Variants in BICD2 observed in about 807,000 individuals in gnomAD.
BICD2 encodes the protein BICD cargo adaptor 2, also known as protein bicaudal D homolog 2.
A neutral mutation model predicts 72.9 loss-of-function variants in BICD2; 25 were observed. The observed-to-expected ratio is 0.34, with a 90% CI of 0.25 to 0.48. BICD2 has a LOEUF of 0.48. BICD2 is among the 20% of genes least tolerant of loss of function. BICD2 has a pLI of 0.99. For synonymous variants in BICD2, 501 were observed against 516.1 expected (o/e 0.97, Z 0.40); for missense variants, 894 against 1,175.2 (o/e 0.76, Z 3.50).
At chr9:92,757,027 A>G (rs1020848178) in intron 1 of BICD2, among the ~76,000 whole-genome samples, 1 of 152,150 alleles carries the variant, frequency 6.6e-6, no homozygotes, top group African/African-American at 2.4e-5. Context: ...CAGGCCACAC[A>G]TGGCGCTGTC....
At position 92,718,435 on chromosome 9, in the gene BICD2, G is replaced by A. The variant is rs772863175; in HGVS notation, c.2106+104C>T. On this transcript the variant is annotated intron_variant, in intron 5 of 6. Transcript: ENST00000356884. ...GGGGCTGGCTCTGTCTGGTGGTGAC[G>A]CAGGCCTGGGGGGGCCCCGTGGCAG... is the stretch of plus-strand genomic sequence containing the variant. The A allele has an allele frequency of 1.6e-4, 214 of 1,364,954 alleles. 2 individuals are homozygous for A. The highest frequency in any genetic ancestry group is 7.2e-4 in the South Asian group (51 of 71,182). 84.6% of individuals were successfully genotyped at this position (1,364,954 alleles called of 1,614,324 possible). A position where few individuals can be genotyped will look rare whatever the true frequency, so the allele number is the denominator to read the frequency against.
rs184465241 is a variant in BICD2 at position 92,719,369 on chromosome 9, C to G, written c.1276G>C (p.Glu426Gln). Reference protein sequence around the residue: ...RDSHEDGDYYEVDINGPEILA... With the variant: ...RDSHEDGDYYQVDINGPEILA... ...ATCTCAGGCCCGTTGATGTCCACCT[C>G]GTAGTAGTCCCCATCCTCATGGCTG... The change falls in exon 5 of 7, where the codon GAG (glutamate) becomes CAG (glutamine). Residue 426 changes from glutamate (E) to glutamine (Q), a missense_variant. Around this residue, in one of 5 missense-constraint regions of BICD2, gnomAD observed 371 missense variants for 439.1 expected, o/e 0.84. Transcript: ENST00000356884. 4 of 1,614,100 alleles carry G rather than the reference C, an allele frequency of 2.5e-6. No homozygotes were observed. Among genetic ancestry groups the G allele is most frequent in the African/African-American group, 1.3e-5 (1 of 74,932 alleles).
intron 1 of BICD2, among the ~76,000 whole-genome samples, chr9:92,763,638 G>A (rs1011219741): frequency 3.9e-5 from 6 of 152,202 alleles, no homozygotes; most frequent in African/African-American, 1.4e-4. Flanking sequence ...AGCTGGGGAA[G>A]GACTGTCCAA....
intron 1 of BICD2, among the ~76,000 whole-genome samples, chr9:92,731,815 C>T (rs892614851): frequency 3.3e-5 from 5 of 152,174 alleles, no homozygotes; most frequent in African/African-American, 1.2e-4. Flanking sequence ...GAAAGCAATC[C>T]CCACCATTTA....
rs1235113384 is a variant in BICD2 at position 92,713,599 on chromosome 9, G to C, written c.*1555C>G. 2 of 1,528,118 alleles carry C rather than the reference G, an allele frequency of 1.3e-6. No individual in the cohort carries two copies. Among genetic ancestry groups the C allele is most frequent in the African/African-American group, 1.4e-5 (1 of 72,614 alleles). The allele number at this position is 1,528,118 out of a possible 1,614,324, so 94.7% of individuals were successfully genotyped here. On this transcript the variant is annotated 3_prime_UTR_variant, in exon 7 of 7. Transcript: ENST00000356884. ...AGAGAAGACCTGCATGTGTTAGCAGGGGTCCCAGTGGCTTGGGTGTCTGCA... is the reference window on the plus strand; with the variant it reads ...AGAGAAGACCTGCATGTGTTAGCAGCGGTCCCAGTGGCTTGGGTGTCTGCA...
chr9:92,714,177 GC>G lies in BICD2; in HGVS notation c.*976del. 1 of 985,556 alleles carries G rather than the reference GC, an allele frequency of 1.0e-6. No individual in the cohort carries two copies. The highest frequency in any genetic ancestry group is 1.2e-6 in the Non-Finnish European group (1 of 830,018). 61.1% of individuals were successfully genotyped at this position (985,556 alleles called of 1,614,324 possible). On this transcript the variant is annotated 3_prime_UTR_variant, in exon 7 of 7. Transcript: ENST00000356884. ...CCTGGCCCTATGCAAAGCTTTCCCAGCACCGGGCTGGGCTCTGGATACACCT... is the reference window on the plus strand; with the variant it reads ...CCTGGCCCTATGCAAAGCTTTCCCAGACCGGGCTGGGCTCTGGATACACCT...
At chr9:92,752,710 T>C (rs1564072222) in intron 1 of BICD2, among the ~76,000 whole-genome samples, 1 of 152,126 alleles carries the variant, frequency 6.6e-6, no homozygotes, top group Non-Finnish European at 1.5e-5. Flanking sequence ...TGAGTCACGA[T>C]CACACCACTC....
chr9:92,741,800 C>T (rs1435321998), intron 1 of BICD2, among the ~76,000 whole-genome samples: 1 of 152,144 alleles, frequency 6.6e-6, no homozygotes, highest in South Asian at 2.1e-4. Flanking sequence ...GAGAAAAAAG[C>T]GTACTGCTAA....
rs1853426284 is a variant in BICD2 at position 92,720,017 on chromosome 9, C to A, written c.1062+283G>T. Among the ~76,000 whole-genome samples the A allele has an allele frequency of 6.6e-6, 1 of 152,222 alleles. No homozygotes were observed. Among genetic ancestry groups the A allele is most frequent in the African/African-American group, 2.4e-5 (1 of 41,452 alleles). The stretch of plus-strand genomic sequence containing the variant: ...ACCATGGTGGGCCCCTGACACCTGG[C>A]CTGCGTGCAGGGATCACATGTGGGC... On this transcript the variant is annotated intron_variant, in intron 4 of 6. Transcript: ENST00000356884. This position sits in a 1 kb window ranked among gnomAD's most constrained non-coding sequence, Gnocchi z 5.4.
In BICD2 at chr9:92,764,142, C is replaced by T. The variant is rs904062018; in HGVS notation, c.240+363G>A. Among the ~76,000 whole-genome samples, 9 of 152,176 alleles carry T rather than the reference C, an allele frequency of 5.9e-5. No homozygotes were observed. Among genetic ancestry groups the T allele is most frequent in the Non-Finnish European group, 1.2e-4 (8 of 68,020 alleles). On this transcript the variant is annotated intron_variant, in intron 1 of 6. Coordinates refer to ENST00000356884, the MANE Select transcript of BICD2 (RefSeq NM_001003800.2). The surrounding 1 kb of genome is among the most constrained non-coding windows in gnomAD (Gnocchi z 5.5). ...GTGGCCTCAGCTCCCGGCTCAGCCA[C>T]TGCCCTCCCAACCCCACCCCACACT...
intron 1 of BICD2, among the ~76,000 whole-genome samples, chr9:92,753,786 G>A (rs560348662): frequency 1.3e-5 from 2 of 151,908 alleles, no homozygotes; most frequent in Non-Finnish European, 2.9e-5. Flanking sequence ...TGATCCGCCT[G>A]CCTCGTCCTC....
At chr9:92,740,112 A>AAAT (rs1853870252) in intron 1 of BICD2, among the ~76,000 whole-genome samples, 1 of 152,232 alleles carries the variant, frequency 6.6e-6, no homozygotes, top group Non-Finnish European at 1.5e-5. Context: ...CAAAGTGTCA[A>AAAT]CCACGCAGAG....
chr9:92,719,031 G>A lies in BICD2; in HGVS notation c.1614C>T (p.Tyr538=), dbSNP rs1048590481. 13 of 1,612,434 alleles carry A rather than the reference G, an allele frequency of 8.1e-6. No individual in the cohort carries two copies. Among genetic ancestry groups the A allele is most frequent in the Admixed American group, 1.7e-5 (1 of 60,010 alleles). ...VTFSEELANL[Y]HHVCMCNNET... Reference sequence around the variant, plus strand: ...CATTGTTGCACATGCACACGTGGTGGTAGAGATTGGCCAGCTCCTCACTGA... The same window carrying A: ...CATTGTTGCACATGCACACGTGGTGATAGAGATTGGCCAGCTCCTCACTGA... The change falls in exon 5 of 7, where the codon TAC becomes TAT. Residue 538 remains tyrosine, a synonymous_variant. Transcript: ENST00000356884.
At chr9:92,753,213 C>G (rs947294276) in intron 1 of BICD2, among the ~76,000 whole-genome samples, 2 of 152,218 alleles carry the variant, frequency 1.3e-5, no homozygotes, top group Non-Finnish European at 2.9e-5. Context: ...CAGGGAAGGT[C>G]TGAGAAACTG....
At chr9:92,749,615 TC>T (rs1436087892) in intron 1 of BICD2, among the ~76,000 whole-genome samples, 2 of 152,178 alleles carry the variant, frequency 1.3e-5, no homozygotes, top group African/African-American at 4.8e-5. Context: ...TGGGAATTCA[TC>T]CCTGGGCAGG....
chr9:92,743,355 C>CTTTT (rs34165468), intron 1 of BICD2, among the ~76,000 whole-genome samples: 14 of 112,224 alleles, frequency 1.2e-4, no homozygotes, highest in Non-Finnish European at 2.0e-4. Flanking sequence ...ACCATGCCAG[C>CTTTT]TTTTTTTTTT....
chr9:92,728,961 CCTG>C, intron 2 of BICD2, 60 bp downstream of exon 2: 1 of 1,562,228 alleles, frequency 6.4e-7, no homozygotes, highest in Non-Finnish European at 8.7e-7. Flanking sequence ...ACCAGGCACA[CCTG>C]CTATGTGACA....
rs540280844 is a variant in BICD2, at chr9:92,720,444, G to T, written c.918C>A (p.Gly306=). Residue 306 remains glycine, a synonymous_variant, in exon 4 of 7, where the codon GGC becomes GGA. Transcript: ENST00000356884. This position sits in a 1 kb window ranked among gnomAD's most constrained non-coding sequence, Gnocchi z 5.4. ...AEALVNGFEH[G]GLAKLPLDNK... is the part of the protein sequence containing the mutation. The stretch of plus-strand genomic sequence containing the variant: ...TGTCCAGTGGCAGCTTGGCCAGGCC[G>T]CCGTGCTCAAAGCCATTGACCAGGG... The T allele has an allele frequency of 6.2e-7, 1 of 1,614,150 alleles. No homozygotes were observed. Among genetic ancestry groups the T allele is most frequent in the Non-Finnish European group, 8.5e-7 (1 of 1,180,030 alleles).
At chr9:92,725,334 G>C (rs900837532) in intron 2 of BICD2, among the ~76,000 whole-genome samples, 8 of 152,232 alleles carry the variant, frequency 5.3e-5, no homozygotes, top group African/African-American at 1.9e-4. Flanking sequence ...CCATGTCATG[G>C]GTGATGATGG....
Sources: allele counts gnomAD v4.1 joint callset (sites outside exome capture counted in the v4.1 genomes callset), GRCh38; gene constraint gnomAD v4.1.1; regional missense constraint gnomAD v4.1.1; non-coding constraint Gnocchi (gnomAD v3.1); transcripts MANE v1.5; gene names NCBI Gene and HGNC (gene_info 2026-07-23, HGNC 2026-07-21).